MANF: variants seen among roughly 807,000 people sequenced by gnomAD.
MANF encodes mesencephalic astrocyte derived neurotrophic factor, also known as mesencephalic astrocyte-derived neurotrophic factor.
MANF carries 9 observed loss-of-function variants against 19.1 expected under a neutral mutation model. The observed-to-expected ratio is 0.47, with a 90% CI of 0.28 to 0.82. MANF has a LOEUF of 0.82. Ranked by LOEUF, MANF falls within the 40% of genes least tolerant of loss-of-function variation. The pLI, the probability that MANF is intolerant of heterozygous loss-of-function variation, is 0.10. For missense variants in MANF, 225 were observed against 226.7 expected, an observed-to-expected ratio of 0.99 and a Z score of 0.05; for synonymous variants, 89 against 88.0, an observed-to-expected ratio of 1.01 and a Z score of -0.06.
intron 1 of MANF, chr3:51,385,977 G>C (rs2088953590): frequency 9.1e-6 from 5 of 550,196 alleles, no homozygotes. Flanking sequence ...GTCGTTTATA[G>C]GTCATTGGGT....
chr3:51,388,854 G>A (rs1430945002), intron 3 of MANF, 51 bp from the exon 4 acceptor site: 7 of 1,371,618 alleles, frequency 5.1e-6, no homozygotes, highest in Non-Finnish European at 6.9e-6. Context: ...GACTACTGGG[G>A]GACTGCAGGT....
intron 2 of MANF, 88 bp from the exon 3 acceptor site, chr3:51,387,649 C>T: frequency 1.5e-6 from 2 of 1,311,136 alleles, no homozygotes; most frequent in Middle Eastern, 2.3e-4. Flanking sequence ...TAAGGCCCTA[C>T]AGAGAGATGA....
chr3:51,386,237 C>G lies in MANF; in HGVS notation c.124C>G (p.Gln42Glu), dbSNP rs1402555648. The G allele has an allele frequency of 1.2e-6, 2 of 1,613,654 alleles. No individual in the cohort carries two copies. The highest frequency in any genetic ancestry group is 1.7e-4 in the Middle Eastern group (1 of 6,060). ...TATTTCTTATCTGGGAAGATTTTAC[C>G]AGGACCTCAAAGACAGAGATGTCAC... ...VCISYLGRFYQDLKDRDVTFS... is the reference protein window; with the variant it reads ...VCISYLGRFYEDLKDRDVTFS... The change falls in exon 2 of 4, where the codon CAG becomes GAG. Residue 42 changes from glutamine (Q) to glutamate (E), a missense_variant. By Grantham distance (29) the Gln-to-Glu change is conservative (BLOSUM62 2). Transcript: ENST00000528157.
At position 51,389,059 on chromosome 3, in the gene MANF, C is replaced by G. The variant is rs782791119; in HGVS notation, c.519C>G (p.Pro173=). The change falls in exon 4 of 4, where the codon CCC becomes CCG. Residue 173 remains proline (P), a synonymous_variant. Transcript: ENST00000528157. ...ATGAACTGATGCCTAAATATGCCCC[C>G]AAGGCAGCCAGTGCACGGACCGATT... ...KINELMPKYA[P]KAASARTDL 6.2e-7 allele frequency: 1 copy of G among 1,612,722 alleles called. No individual in the cohort carries two copies. Among genetic ancestry groups the G allele is most frequent in the South Asian group, 1.1e-5 (1 of 90,786 alleles).
chr3:51,387,763 T>TG lies in MANF; in HGVS notation c.250dup (p.Ala84GlyfsTer8). 1 of 1,612,504 alleles carries TG rather than the reference T, an allele frequency of 6.2e-7. No homozygotes were observed. The highest frequency in any genetic ancestry group is 8.5e-7 in the Non-Finnish European group (1 of 1,179,140). The stretch of plus-strand genomic sequence containing the variant: ...GCTACTATATCGGGGCCACAGATGA[T>TG]GCAGCCACCAAAATCATCAATGAGG... On this transcript the variant is annotated frameshift_variant, in exon 3 of 4. Transcript: ENST00000528157. LOFTEE classifies it high-confidence loss of function.
In MANF at chr3:51,389,209, G is replaced by A; in HGVS notation, c.*120G>A. The A allele has an allele frequency of 1.2e-6, 1 of 847,718 alleles. No individual in the cohort carries two copies. The highest frequency in any genetic ancestry group is 1.8e-5 in the South Asian group (1 of 55,108). 52.5% of individuals were successfully genotyped at this position (847,718 alleles called of 1,614,324 possible). ...CTGACAATACTGTATCAGATGTGAA[G>A]CCTGGAGCTTTCCTGATGATGCTGG... On this transcript the variant is annotated 3_prime_UTR_variant, in exon 4 of 4. Transcript: ENST00000528157.
rs188424298 is a variant in MANF, at chr3:51,386,139, G to A, written c.95-69G>A. On this transcript the variant is annotated intron_variant, in intron 1 of 3. Coordinates refer to ENST00000528157, the MANE Select transcript of MANF (RefSeq NM_006010.6). ...CGTGTCTCCTATTAAAATTGCTGGC[G>A]GAGTTCTTTTCTGGTGGATTGGAAC... is the stretch of plus-strand genomic sequence containing the variant. 7.7e-5 allele frequency: 119 copies of A among 1,547,862 alleles called. No homozygotes were observed. In the African/African-American group the frequency reaches 1.3e-3, roughly 17 times the overall value.
chr3:51,387,672 T>C, intron 2 of MANF, 65 bp from the exon 3 acceptor site: 1 of 1,480,898 alleles, frequency 6.8e-7, no homozygotes, highest in Non-Finnish European at 9.3e-7. Context: ...TTTCAAGGTG[T>C]CAGTATGTTT....
At chr3:51,385,795 G>A (rs1426390269) in intron 1 of MANF, 13 of 283,352 alleles carry the variant, frequency 4.6e-5, no homozygotes, top group African/African-American at 6.6e-5. Context: ...CTGTCTGTTG[G>A]GATCACGAAG....
At chr3:51,388,866 C>G (rs782339114) in intron 3 of MANF, 39 bp from the exon 4 acceptor site, 1 of 1,476,104 alleles carries the variant, frequency 6.8e-7, no homozygotes, top group Non-Finnish European at 9.1e-7. Context: ...ACTGCAGGTG[C>G]TCCACCCAGT....
intron 1 of MANF, 93 bp downstream of exon 1, chr3:51,385,529 G>A (rs1378010932): frequency 1.0e-5 from 6 of 575,352 alleles, no homozygotes; most frequent in Non-Finnish European, 1.5e-5. Flanking sequence ...GGCCAAGAGG[G>A]CGAGGGCGGG....
intron 2 of MANF, chr3:51,386,796 C>T (rs2088966315): frequency 2.2e-6 from 1 of 446,542 alleles, no homozygotes; most frequent in African/African-American, 2.0e-5. Context: ...GAGAAGGTGA[C>T]AGGGTGCCTA....
Position 51,388,985 on chromosome 3 carries a change from G to A in MANF, c.445G>A (p.Glu149Lys), listed in dbSNP as rs2088992980. The A allele has an allele frequency of 1.2e-6, 2 of 1,606,806 alleles. No individual in the cohort carries two copies. Among genetic ancestry groups the A allele is most frequent in the Non-Finnish European group, 1.7e-6 (2 of 1,176,444 alleles). The change falls in exon 4 of 4, where the codon GAG (glutamate) becomes AAG (lysine). Residue 149 changes from glutamate (E) to lysine (K), a missense_variant. Coordinates refer to ENST00000528157, the MANE Select transcript of MANF (RefSeq NM_006010.6). ...GAAGAAGATTCTGGATGACTGGGGG[G>A]AGACATGCAAAGGCTGTGCAGAAAA... ...ELKKILDDWG[E>K]TCKGCAEKSD...
chr3:51,386,637 G>A (rs1218403258), intron 2 of MANF, among the ~76,000 whole-genome samples: 2 of 152,244 alleles, frequency 1.3e-5, no homozygotes, highest in African/African-American at 4.8e-5. Context: ...TGGGTGTCAT[G>A]AAGAAAATGG....
At chr3:51,387,535 TGA>T (rs2106637420) in intron 2 of MANF, among the ~76,000 whole-genome samples, 200 bp from the exon 3 acceptor site, 1 of 151,656 alleles carries the variant, frequency 6.6e-6, no homozygotes, top group East Asian at 1.9e-4. Context: ...CTAGGGTGGC[TGA>T]GAGGGGAGGA....
chr3:51,386,411 G>A, intron 2 of MANF, 76 bp downstream of exon 2: 1 of 1,548,230 alleles, frequency 6.5e-7, no homozygotes, highest in South Asian at 1.1e-5. Flanking sequence ...TTGATAAAAG[G>A]CCTTGCCCAC....
rs1553620683 is a variant in MANF at position 51,385,346 on chromosome 3, A to AGGAGGATGT, written c.7_15dup (p.Arg3_Trp5dup). 1.7e-5 allele frequency: 21 copies of AGGAGGATGT among 1,237,762 alleles called. No homozygotes were observed. The highest frequency in any genetic ancestry group is 9.4e-5 in the East Asian group (3 of 31,756). 76.7% of individuals were successfully genotyped at this position (1,237,762 alleles called of 1,614,324 possible). ...GAGGAGGAGGAGGATGAGGAGGATG[A>AGGAGGATGT]GGAGGATGTGGGCCACGCAGGGGCT... On this transcript the variant is annotated inframe_insertion, in exon 1 of 4. Transcript: ENST00000528157.
At position 51,387,812 on chromosome 3, in the gene MANF, A is replaced by G; in HGVS notation, c.298A>G (p.Ile100Val). ...GGTATCAAAGCCTCTGGCCCACCAC[A>G]TCCCTGTGGAGAAGATCTGTGAGAA... Reference protein sequence around the residue: ...NEVSKPLAHHIPVEKICEKLK... With the variant: ...NEVSKPLAHHVPVEKICEKLK... Residue 100 changes from isoleucine to valine, a missense_variant, in exon 3 of 4, where the codon ATC (isoleucine) becomes GTC (valine). By Grantham distance (29) the Ile-to-Val change is conservative. Coordinates refer to ENST00000528157, the MANE Select transcript of MANF (RefSeq NM_006010.6). 6.2e-7 allele frequency: 1 copy of G among 1,613,638 alleles called. No individual in the cohort carries two copies. Among genetic ancestry groups the G allele is most frequent in the Middle Eastern group, 1.6e-4 (1 of 6,062 alleles).
At chr3:51,386,916 C>T (rs756332760) in intron 2 of MANF, 5 of 456,756 alleles carry the variant, frequency 1.1e-5, no homozygotes. Flanking sequence ...AAGGTTTGAA[C>T]CCTGGTGACA....
Sources: allele counts gnomAD v4.1 joint callset (sites outside exome capture counted in the v4.1 genomes callset), GRCh38; gene constraint gnomAD v4.1.1; transcripts MANE v1.5; gene names NCBI Gene and HGNC (gene_info 2026-07-23, HGNC 2026-07-21).